Variants in TNIK observed in about 807,000 individuals in gnomAD.
TNIK encodes the protein TRAF2 and NCK-interacting protein kinase.
TNIK carries 49 observed loss-of-function variants against 191.3 expected under a neutral mutation model. That is an observed-to-expected ratio of 0.26 (90% CI 0.20 to 0.32). The LOEUF is 0.32. TNIK is among the 10% of genes least tolerant of loss of function. The probability of loss-of-function intolerance (pLI) is 1.00; values close to 1 mark genes in which losing one functional copy is unlikely to be tolerated. For synonymous variants in TNIK, 594 were observed against 600.9 expected, an observed-to-expected ratio of 0.99 and a Z score of 0.17; for missense variants, 1,155 against 1,702.3, an observed-to-expected ratio of 0.68 and a Z score of 5.66.
intron 28 of TNIK, among the ~76,000 whole-genome samples, chr3:171,072,558 T>C (rs1352744710): frequency 6.6e-6 from 1 of 151,956 alleles, no homozygotes; most frequent in Admixed American, 6.6e-5. Flanking sequence ...ACTCCTATAG[T>C]ATTGGAAGTC....
chr3:171,147,493 GTA>G (rs1394410296), intron 12 of TNIK, among the ~76,000 whole-genome samples: 7 of 152,194 alleles, frequency 4.6e-5, no homozygotes, highest in Non-Finnish European at 1.0e-4. Context: ...TGACTATAGG[GTA>G]AGGGCATGAT....
intron 18 of TNIK, among the ~76,000 whole-genome samples, chr3:171,120,677 T>C (rs1727600088): frequency 6.6e-6 from 1 of 152,098 alleles, no homozygotes; most frequent in African/African-American, 2.4e-5. Flanking sequence ...CACATCATAA[T>C]ATACAGAGGT....
chr3:171,281,735 C>G (rs1750449760), intron 2 of TNIK, among the ~76,000 whole-genome samples: 1 of 152,214 alleles, frequency 6.6e-6, no homozygotes, highest in Admixed American at 6.5e-5. Flanking sequence ...AGTCCCAACC[C>G]TGAAGGTCAA....
At chr3:171,294,848 A>C (rs550219754) in intron 2 of TNIK, among the ~76,000 whole-genome samples, 1 of 152,288 alleles carries the variant, frequency 6.6e-6, no homozygotes, top group African/African-American at 2.4e-5. Context: ...AGTAGCTTAC[A>C]TACAGAATTT....
intron 18 of TNIK, among the ~76,000 whole-genome samples, chr3:171,120,276 C>T (rs529587018): frequency 1.6e-4 from 24 of 151,820 alleles, no homozygotes; most frequent in Admixed American, 5.9e-4. Context: ...AAAAACTGAC[C>T]GTTTTTGCTT....
intron 1 of TNIK, among the ~76,000 whole-genome samples, chr3:171,423,886 T>G (rs369018151): frequency 3.3e-5 from 5 of 152,188 alleles, no homozygotes; most frequent in Non-Finnish European, 5.9e-5. Flanking sequence ...AACCCTAGAA[T>G]AAAACCTAGG....
Position 171,138,159 on chromosome 3 carries a change from C to A in TNIK, c.1608+32G>T, listed in dbSNP as rs746657620. On this transcript the variant is annotated intron_variant, in intron 15 of 32. Coordinates refer to ENST00000436636, the MANE Select transcript of TNIK (RefSeq NM_015028.4). ...AAACTCATTAGAGTCAAAAGCCTGGCCAACAGGGTGAGGCTACCCTTGCTT... is the reference window on the plus strand; with the variant it reads ...AAACTCATTAGAGTCAAAAGCCTGGACAACAGGGTGAGGCTACCCTTGCTT... The A allele has an allele frequency of 4.6e-6, 7 of 1,523,528 alleles. No individual in the cohort carries two copies. The South Asian group carries it at 8.0e-5, about 18-fold the overall frequency. The allele number at this position is 1,523,528 out of a possible 1,614,324, so 94.4% of individuals were successfully genotyped here.
intron 2 of TNIK, among the ~76,000 whole-genome samples, chr3:171,264,095 CACACACACACACACACATAT>C (rs1288391570): frequency 0.023 from 2,056 of 89,898 alleles, 49 homozygotes; most frequent in African/African-American, 0.074. Flanking sequence ...CACACACACA[CACACACACACACACACATAT>C]ATATATATAT....
intron 3 of TNIK, among the ~76,000 whole-genome samples, chr3:171,217,930 G>A (rs1413584196): frequency 6.6e-6 from 1 of 152,122 alleles, no homozygotes; most frequent in Admixed American, 6.6e-5. Context: ...GGCTGGAGAG[G>A]ATGTAGCATG....
intron 26 of TNIK, among the ~76,000 whole-genome samples, chr3:171,083,822 G>A (rs532555902): frequency 3.3e-5 from 5 of 152,114 alleles, no homozygotes; most frequent in Non-Finnish European, 7.4e-5. Flanking sequence ...GACACAAATC[G>A]CCTCTGATTG....
At position 171,139,289 on chromosome 3, in the gene TNIK, T is replaced by A. The variant is rs112971046; in HGVS notation, c.1419+181A>T. 4.4e-3 allele frequency among the ~76,000 whole-genome samples: 664 copies of A among 152,206 alleles called. 7 individuals carry two copies. Among genetic ancestry groups the A allele is most frequent in the African/African-American group, 0.015 (640 of 41,540 alleles). Reference sequence around the variant, plus strand: ...ACTCAGCAAAATCAATCAGAAAATGTATTAAGTTTCTATGAGGTTTTTGAG... The same window carrying A: ...ACTCAGCAAAATCAATCAGAAAATGAATTAAGTTTCTATGAGGTTTTTGAG... On this transcript the variant is annotated intron_variant, in intron 14 of 32. Transcript: ENST00000436636.
chr3:171,172,539 TA>T (rs2108771808), intron 9 of TNIK, among the ~76,000 whole-genome samples: 1 of 152,334 alleles, frequency 6.6e-6, no homozygotes, highest in East Asian at 1.9e-4. Context: ...CTGAAGTGTT[TA>T]AATATTTTCA....
At chr3:171,233,303 A>ATT (rs34572933) in intron 2 of TNIK, among the ~76,000 whole-genome samples, 1 of 151,416 alleles carries the variant, frequency 6.6e-6, no homozygotes, top group African/African-American at 2.4e-5. Flanking sequence ...CAGCACTGTG[A>ATT]TTTTTTTTTC....
At chr3:171,113,255 G>GTCTT (rs1182676879) in intron 18 of TNIK, among the ~76,000 whole-genome samples, 28 of 152,078 alleles carry the variant, frequency 1.8e-4, no homozygotes, top group African/African-American at 6.0e-4. Context: ...CTTGCAGGAA[G>GTCTT]TCTTTATATG....
chr3:171,301,946 T>A (rs1017494725), intron 2 of TNIK, among the ~76,000 whole-genome samples: 1 of 150,772 alleles, frequency 6.6e-6, no homozygotes, highest in Non-Finnish European at 1.5e-5. Flanking sequence ...GGGGAAAAAA[T>A]TTGTGTATAC....
intron 2 of TNIK, among the ~76,000 whole-genome samples, chr3:171,274,465 C>T (rs1360140672): frequency 6.6e-6 from 1 of 152,022 alleles, no homozygotes; most frequent in Non-Finnish European, 1.5e-5. Context: ...TTCTACAGCC[C>T]CTTGAGTCTC....
Position 171,133,703 on chromosome 3 carries a change from G to C in TNIK, c.1608+4488C>G, listed in dbSNP as rs181897482. Among the ~76,000 whole-genome samples the C allele has an allele frequency of 1.1e-3, 173 of 152,248 alleles. 1 individual carries two copies. The highest frequency in any genetic ancestry group is 4.1e-3 in the African/African-American group (169 of 41,550). On this transcript the variant is annotated intron_variant, in intron 15 of 32. Coordinates refer to ENST00000436636, the MANE Select transcript of TNIK (RefSeq NM_015028.4). The stretch of plus-strand genomic sequence containing the variant: ...GAGAGATATGCAGAAATGGAGGAAA[G>C]ATATAAACTCTCTAAATGCTAGTTT...
rs1288527901 is a variant in TNIK, at chr3:171,380,698, C to T, written c.58-11013G>A. Reference sequence around the variant, plus strand: ...CCCTCTTCACAATACAGTGAGCTTCCTTCTTTGCCCTTTGCAGAGGGAACC... The same window carrying T: ...CCCTCTTCACAATACAGTGAGCTTCTTTCTTTGCCCTTTGCAGAGGGAACC... On this transcript the variant is annotated intron_variant, in intron 1 of 32. Coordinates refer to ENST00000436636, the MANE Select transcript of TNIK (RefSeq NM_015028.4). Among the ~76,000 whole-genome samples, 12 of 124,648 alleles carry T rather than the reference C, an allele frequency of 9.6e-5. No individual in the cohort carries two copies. In the East Asian group the frequency reaches 0.015, roughly 153 times the overall value. 81.8% of individuals were successfully genotyped at this position (124,648 alleles called of 152,430 possible). A position where few individuals can be genotyped will look rare whatever the true frequency, so the allele number is the denominator to read the frequency against.
rs1293089974 is a variant in TNIK at position 171,058,994 on chromosome 3, G to A, written c.*4887C>T. 6.6e-6 allele frequency among the ~76,000 whole-genome samples: 1 copy of A among 152,174 alleles called. No individual in the cohort carries two copies. Among genetic ancestry groups the A allele is most frequent in the Non-Finnish European group, 1.5e-5 (1 of 68,014 alleles). ...ATTTATCCCAGGGGAAGAGATAAGG[G>A]AAAGGGGTAGCTGGGCATGATATTT... On this transcript the variant is annotated 3_prime_UTR_variant, in exon 33 of 33. Coordinates refer to ENST00000436636, the MANE Select transcript of TNIK (RefSeq NM_015028.4).
Sources: allele counts gnomAD v4.1 joint callset (sites outside exome capture counted in the v4.1 genomes callset), GRCh38; gene constraint gnomAD v4.1.1; transcripts MANE v1.5; gene names NCBI Gene and HGNC (gene_info 2026-07-23, HGNC 2026-07-21).